GP6: variants seen among roughly 807,000 people sequenced by gnomAD.
The protein encoded by GP6 is platelet glycoprotein VI.
In GP6, 45 loss-of-function variants were observed where a neutral mutation model predicts 37.3. The ratio of observed to expected loss-of-function variants is 1.21; its 90% CI spans 0.95 to 1.55. The LOEUF (loss-of-function observed/expected upper bound fraction) is 1.55. GP6 is among the 40% of genes most tolerant of loss of function. The pLI is 0.00. For missense variants in GP6, 813 were observed against 760.2 expected, an observed-to-expected ratio of 1.07 and a Z score of -0.82; for synonymous variants, 340 against 316.4, an observed-to-expected ratio of 1.07 and a Z score of -0.79.
chr19:55,015,317 G>T, intron 7 of GP6, 152 bp from the exon 8 acceptor site: 1 of 1,268,378 alleles, frequency 7.9e-7, no homozygotes, highest in Admixed American at 2.0e-5. Context: ...TCCCGAGTAG[G>T]GGTCAGGGCC....
intron 5 of GP6, among the ~76,000 whole-genome samples, chr19:55,023,671 CCT>C (rs2074162530): frequency 6.6e-6 from 1 of 152,178 alleles, no homozygotes; most frequent in Non-Finnish European, 1.5e-5. Context: ...ACCAATTAAA[CCT>C]CTTTTCTTAT....
intron 5 of GP6, among the ~76,000 whole-genome samples, chr19:55,021,201 G>GAA (rs71181727): frequency 0.13 from 16,794 of 127,312 alleles, 1,366 homozygotes; most frequent in Middle Eastern, 0.29. Flanking sequence ...TCTACTAAAA[G>GAA]AAAAAAAAAA....
chr19:55,032,801 G>T, intron 1 of GP6: 2 of 608,132 alleles, frequency 3.3e-6, no homozygotes, highest in Admixed American at 2.7e-5. Flanking sequence ...TGGGGGTGGT[G>T]GGAGAGGAGG....
chr19:55,032,377 G>T lies in GP6; in HGVS notation c.87C>A (p.Ser29=). 11 of 1,613,420 alleles carry T rather than the reference G, an allele frequency of 6.8e-6. No individual in the cohort carries two copies. Among genetic ancestry groups the T allele is most frequent in the Non-Finnish European group, 9.3e-6 (11 of 1,179,654 alleles). Residue 29 remains serine, a synonymous_variant, in exon 3 of 8, where the codon TCC becomes TCA. Coordinates refer to ENST00000310373, the MANE Select transcript of GP6 (RefSeq NM_001083899.2). ...CCAGGGAGCTGGGCAGAGCCTGGAGGGAGGGCTTGGGGAGCGGTCCTGGAA... is the reference window on the plus strand; with the variant it reads ...CCAGGGAGCTGGGCAGAGCCTGGAGTGAGGGCTTGGGGAGCGGTCCTGGAA...
chr19:55,015,202 G>C (rs529142518), intron 7 of GP6, 37 bp from the exon 8 acceptor site: 1 of 1,550,296 alleles, frequency 6.5e-7, no homozygotes, highest in East Asian at 2.4e-5. Flanking sequence ...AGGTGAAAGA[G>C]CCCACCTCCA....
chr19:55,023,897 A>T (rs1362530700), intron 5 of GP6, among the ~76,000 whole-genome samples: 1 of 152,174 alleles, frequency 6.6e-6, no homozygotes, highest in Non-Finnish European at 1.5e-5. Flanking sequence ...GATTATAGAG[A>T]TGGAGAACAA....
intron 5 of GP6, among the ~76,000 whole-genome samples, chr19:55,023,701 A>G (rs1671193): frequency 0.76 from 115,910 of 152,132 alleles, 44,891 homozygotes; most frequent in Middle Eastern, 0.84. Context: ...CCAGTCTCAG[A>G]TATTTATAGC....
rs2074599266 is a variant in GP6 at position 55,032,416 on chromosome 19, G to A, written c.68-20C>T. On this transcript the variant is annotated intron_variant, in intron 2 of 7. Transcript: ENST00000310373. ...GCGGTCCTGGAAGAGGAGCAGGGCT[G>A]GGTCAGCCTCCCCGCAGACCCCGCC... The A allele has an allele frequency of 6.2e-7, 1 of 1,611,724 alleles. No individual in the cohort carries two copies. Among genetic ancestry groups the A allele is most frequent in the East Asian group, 2.2e-5 (1 of 44,780 alleles).
chr19:55,034,453 G>A (rs2074748209), intron 1 of GP6, among the ~76,000 whole-genome samples: 1 of 151,958 alleles, frequency 6.6e-6, no homozygotes, highest in Admixed American at 6.6e-5. Context: ...CTACTGGGGA[G>A]GCTGAGTCAG....
chr19:55,016,669 C>T (rs931290012), intron 6 of GP6, among the ~76,000 whole-genome samples: 48 of 152,046 alleles, frequency 3.2e-4, no homozygotes, highest in African/African-American at 8.2e-4. Context: ...CCACTGCACC[C>T]GGCCTCCAGC....
intron 4 of GP6, among the ~76,000 whole-genome samples, chr19:55,025,998 CCCAAAAAAAA>C (rs1273281245): frequency 1.0e-4 from 13 of 128,340 alleles, no homozygotes; most frequent in Admixed American, 1.6e-4. Flanking sequence ...TGAGACTCCC[CCCAAAAAAAA>C]AAAAAAAAAA....
At position 55,032,255 on chromosome 19, in the gene GP6, T is replaced by C; in HGVS notation, c.209A>G (p.Gln70Arg). Residue 70 changes from glutamine to arginine, a missense_variant, in exon 3 of 8, where the codon CAG becomes CGG. Coordinates refer to ENST00000310373, the MANE Select transcript of GP6 (RefSeq NM_001083899.2). ...CATGGCCGGGATGAAGAGGACTGCC[T>C]GATCCTGGTACCTGCTGGAACTCAG... 1.2e-6 allele frequency: 2 copies of C among 1,614,204 alleles called. No individual in the cohort carries two copies. Among genetic ancestry groups the C allele is most frequent in the Non-Finnish European group, 1.7e-6 (2 of 1,180,038 alleles).
At chr19:55,027,396 C>T (rs1217766437) in intron 4 of GP6, among the ~76,000 whole-genome samples, 182 bp downstream of exon 4, 2 of 36,246 alleles carry the variant, frequency 5.5e-5, no homozygotes, top group Non-Finnish European at 1.2e-4. Context: ...TTCCCACCTA[C>T]GGCCCCGCCC....
In GP6 at chr19:55,020,246, A is replaced by G. The variant is rs150206868; in HGVS notation, c.665-1535T>C. 5.2e-4 allele frequency among the ~76,000 whole-genome samples: 78 copies of G among 150,392 alleles called. No individual in the cohort carries two copies. The East Asian group carries it at 0.014, about 28-fold the overall frequency. On this transcript the variant is annotated intron_variant, in intron 5 of 7. Coordinates refer to ENST00000310373, the MANE Select transcript of GP6 (RefSeq NM_001083899.2). Reference sequence around the variant, plus strand: ...AATTAAAATTTCAGTTCCAGAATCCATGTGCAGGACGTGCAGGTTTGTTAC... The same window carrying G: ...AATTAAAATTTCAGTTCCAGAATCCGTGTGCAGGACGTGCAGGTTTGTTAC...
In GP6 at chr19:55,027,600, G is replaced by GTCGC; in HGVS notation, c.584_587dup (p.Asp196GlufsTer35). 1 of 1,613,566 alleles carries GTCGC rather than the reference G, an allele frequency of 6.2e-7. No homozygotes were observed. On this transcript the variant is annotated frameshift_variant, in exon 4 of 8. Coordinates refer to ENST00000310373, the MANE Select transcript of GP6 (RefSeq NM_001083899.2). LOFTEE classifies it high-confidence loss of function. ...TACCTGTGACCACAAGCTCCAGGGG[G>GTCGC]TCGCTGGGGGCTGACCACAGGTATG... is the stretch of plus-strand genomic sequence containing the variant.
At chr19:55,026,666 A>G (rs1470667884) in intron 4 of GP6, among the ~76,000 whole-genome samples, 1 of 152,118 alleles carries the variant, frequency 6.6e-6, no homozygotes, top group Admixed American at 6.5e-5. Flanking sequence ...CGAGGCGGGC[A>G]GATCATGAGG....
At chr19:55,036,233 G>A (rs891157854) in intron 1 of GP6, among the ~76,000 whole-genome samples, 4 of 152,076 alleles carry the variant, frequency 2.6e-5, no homozygotes, top group Admixed American at 6.6e-5. Context: ...GTGATGTAAT[G>A]GACTTCAGAG....
At chr19:55,018,883 C>T (rs2073971663) in intron 5 of GP6, 172 bp from the exon 6 acceptor site, 3 of 679,690 alleles carry the variant, frequency 4.4e-6, no homozygotes, top group Non-Finnish European at 2.7e-6. Flanking sequence ...CCATGACCGG[C>T]TTAGTAAGAA....
intron 3 of GP6, among the ~76,000 whole-genome samples, 153 bp downstream of exon 3, chr19:55,031,986 A>G (rs1171907387): frequency 3.3e-5 from 5 of 152,076 alleles, no homozygotes; most frequent in Admixed American, 2.6e-4. Context: ...AAAACAAAAT[A>G]TTATTCACAT....
Sources: allele counts gnomAD v4.1 joint callset (sites outside exome capture counted in the v4.1 genomes callset), GRCh38; gene constraint gnomAD v4.1.1; transcripts MANE v1.5; gene names NCBI Gene and HGNC (gene_info 2026-07-23, HGNC 2026-07-21).